The following ITPR2 variants were observed in gnomAD, a reference collection of about 807,000 sequenced individuals.
The protein encoded by ITPR2 is inositol 1,4,5-trisphosphate receptor type 2.
ITPR2 carries 207 observed loss-of-function variants against 317.1 expected under a neutral mutation model. That is an observed-to-expected ratio of 0.65 (90% CI 0.58 to 0.73). The LOEUF (loss-of-function observed/expected upper bound fraction) is 0.73. Among genes scored for constraint, ITPR2 ranks in the 30% least tolerant of loss-of-function variants. The pLI is 0.00. For synonymous variants in ITPR2, 1,156 were observed against 1,149.1 expected (o/e 1.01, Z -0.12); for missense variants, 2,613 against 3,284.0 (o/e 0.80, Z 4.99).
intron 3 of ITPR2, 37 bp from the exon 4 acceptor site, chr12:26,724,779 T>C (rs758612883): frequency 4.8e-6 from 7 of 1,455,216 alleles, no homozygotes; most frequent in Non-Finnish European, 6.7e-6. Context: ...TGTAGAAATA[T>C]AGTAAACAGA....
At chr12:26,818,072 T>C (rs78851292) in intron 1 of ITPR2, among the ~76,000 whole-genome samples, 2,055 of 152,326 alleles carry the variant, frequency 0.013, 42 homozygotes, top group African/African-American at 0.047. Flanking sequence ...GAAATTAGCA[T>C]GCATTTTGTT....
intron 21 of ITPR2, among the ~76,000 whole-genome samples, chr12:26,644,499 A>C (rs527418201): frequency 6.6e-6 from 1 of 152,348 alleles, no homozygotes; most frequent in East Asian, 1.9e-4. Flanking sequence ...TTATAAAGGA[A>C]AGAGGTTTAA....
At chr12:26,702,896 T>C (rs1411406953) in intron 9 of ITPR2, among the ~76,000 whole-genome samples, 1 of 143,550 alleles carries the variant, frequency 7.0e-6, no homozygotes, top group East Asian at 2.8e-4. Flanking sequence ...TTTTCCGCAA[T>C]TCACCAAAAA....
intron 55 of ITPR2, among the ~76,000 whole-genome samples, chr12:26,370,342 T>C (rs1212026497): frequency 2.6e-5 from 4 of 152,174 alleles, no homozygotes; most frequent in African/African-American, 2.4e-5. Context: ...TGCAGTATGT[T>C]ACCAGTTGGT....
intron 39 of ITPR2, among the ~76,000 whole-genome samples, chr12:26,493,541 C>G (rs1247472747): frequency 6.6e-6 from 1 of 152,066 alleles, no homozygotes; most frequent in Non-Finnish European, 1.5e-5. Context: ...TGTATATTTT[C>G]AAACAGCTAG....
rs147315078 is a variant in ITPR2 at position 26,619,519 on chromosome 12, G to T, written c.3462+1604C>A. Among the ~76,000 whole-genome samples, 346 of 152,232 alleles carry T rather than the reference G, an allele frequency of 2.3e-3. 1 individual carries two copies. Among genetic ancestry groups the T allele is most frequent in the African/African-American group, 8.0e-3 (333 of 41,532 alleles). ...CATCTGGCCCTGTTCTGGCCAAAGAGACATGAAATAAGGTGAGGGATGTCT... is the reference window on the plus strand; with the variant it reads ...CATCTGGCCCTGTTCTGGCCAAAGATACATGAAATAAGGTGAGGGATGTCT... On this transcript the variant is annotated intron_variant, in intron 26 of 56. Transcript: ENST00000381340.
At position 26,387,609 on chromosome 12, in the gene ITPR2, C is replaced by T. The variant is rs749983713; in HGVS notation, c.7697-15G>A. On this transcript the variant is annotated splice_polypyrimidine_tract_variant and intron_variant, in intron 54 of 56. Transcript: ENST00000381340. ...TCTCTCAAGTCCTGAAAAACACAGG[C>T]AACACAATATATGTAATTCGTCATT... The T allele has an allele frequency of 8.7e-6, 14 of 1,611,292 alleles. No homozygotes were observed. In the South Asian group the frequency reaches 1.2e-4, roughly 14 times the overall value.
chr12:26,435,038 C>G (rs1307049494), intron 48 of ITPR2, among the ~76,000 whole-genome samples: 1 of 151,554 alleles, frequency 6.6e-6, no homozygotes, highest in Non-Finnish European at 1.5e-5. Context: ...TACATCCACT[C>G]CATTGCTTAA....
chr12:26,733,873 CTGAT>C (rs1305025422), intron 2 of ITPR2, among the ~76,000 whole-genome samples: 1 of 152,124 alleles, frequency 6.6e-6, no homozygotes, highest in Non-Finnish European at 1.5e-5. Flanking sequence ...AATAAGCTGA[CTGAT>C]TCAGAAATCA....
At chr12:26,486,050 T>A (rs555062018) in intron 41 of ITPR2, 54 bp downstream of exon 41, 24 of 1,577,002 alleles carry the variant, frequency 1.5e-5, no homozygotes, top group Non-Finnish European at 2.0e-5. Context: ...TTGAATTTAA[T>A]TACTGATAAA....
chr12:26,385,427 C>T (rs1939638055), intron 55 of ITPR2, among the ~76,000 whole-genome samples: 1 of 152,194 alleles, frequency 6.6e-6, no homozygotes, highest in Non-Finnish European at 1.5e-5. Flanking sequence ...CACATATCCT[C>T]ACCCCTAATC....
intron 1 of ITPR2, among the ~76,000 whole-genome samples, chr12:26,824,019 G>A (rs1052771280): frequency 3.9e-5 from 6 of 152,102 alleles, no homozygotes. Context: ...AACTTACAAT[G>A]GGGTAACATC....
chr12:26,470,559 T>C (rs1197636531), intron 45 of ITPR2, among the ~76,000 whole-genome samples: 2 of 152,208 alleles, frequency 1.3e-5, no homozygotes, highest in Admixed American at 1.3e-4. Context: ...TAAAAGATAG[T>C]CCATTTTACC....
At chr12:26,775,401 G>A (rs928423063) in intron 2 of ITPR2, among the ~76,000 whole-genome samples, 1 of 152,080 alleles carries the variant, frequency 6.6e-6, no homozygotes, top group Non-Finnish European at 1.5e-5. Flanking sequence ...AAAGTAACAG[G>A]TTCTCCACTT....
At chr12:26,738,595 G>C (rs762476145) in intron 2 of ITPR2, among the ~76,000 whole-genome samples, 5 of 151,460 alleles carry the variant, frequency 3.3e-5, no homozygotes, top group Non-Finnish European at 5.9e-5. Flanking sequence ...ATCTCTTTTT[G>C]TCGGTTTTTG....
chr12:26,497,138 T>C (rs566646096), intron 37 of ITPR2, among the ~76,000 whole-genome samples: 15 of 148,084 alleles, frequency 1.0e-4, no homozygotes, highest in African/African-American at 2.7e-4. Flanking sequence ...AATTGAACCA[T>C]GTGATCATTT....
Position 26,622,413 on chromosome 12 carries a change from A to G in ITPR2, c.3123-8T>C. 2.5e-6 allele frequency: 4 copies of G among 1,592,572 alleles called. No homozygotes were observed. In the African/African-American group the frequency reaches 5.4e-5, roughly 22 times the overall value. Reference sequence around the variant, plus strand: ...ACTGGATTTTTTTCTTTTCTATAAAACCAAAAACATTTCTAAAGTGACTCC... The same window carrying G: ...ACTGGATTTTTTTCTTTTCTATAAAGCCAAAAACATTTCTAAAGTGACTCC... On this transcript the variant is annotated splice_region_variant and splice_polypyrimidine_tract_variant and intron_variant, in intron 24 of 56. Transcript: ENST00000381340.
At chr12:26,345,187 A>G (rs1938266311) in intron 55 of ITPR2, among the ~76,000 whole-genome samples, 2 of 152,194 alleles carry the variant, frequency 1.3e-5, no homozygotes. Context: ...AAAAAAAACA[A>G]CTTAAATTGA....
Position 26,772,072 on chromosome 12 carries a change from T to C in ITPR2, c.163+18085A>G, listed in dbSNP as rs141994021. Reference sequence around the variant, plus strand: ...TAACAGCTGCAGAAGACCGAACGGATTGGGGTAAAGGCTTGGCACTTTCAT... The same window carrying C: ...TAACAGCTGCAGAAGACCGAACGGACTGGGGTAAAGGCTTGGCACTTTCAT... On this transcript the variant is annotated intron_variant, in intron 2 of 56. Coordinates refer to ENST00000381340, the MANE Select transcript of ITPR2 (RefSeq NM_002223.4). 5.9e-5 allele frequency among the ~76,000 whole-genome samples: 9 copies of C among 152,134 alleles called. No individual in the cohort carries two copies. The East Asian group carries it at 1.2e-3, about 20-fold the overall frequency.
Sources: gnomAD v4.1 joint callset for allele counts (sites outside exome capture counted in the v4.1 genomes callset) on GRCh38, gnomAD v4.1.1 for gene constraint, MANE v1.5 for transcripts, NCBI Gene and HGNC (gene_info 2026-07-23, HGNC 2026-07-21) for gene names.